MRPL47: variants seen among roughly 807,000 people sequenced by gnomAD.
MRPL47 encodes the protein large ribosomal subunit protein uL29m.
In MRPL47, 31 loss-of-function variants were observed where a neutral mutation model predicts 34.0. The ratio of observed to expected loss-of-function variants is 0.91; its 90% CI spans 0.68 to 1.23. The LOEUF is 1.23. Among genes scored for constraint, MRPL47 ranks in the 50% most tolerant of loss-of-function variants. The pLI is 0.00. For missense variants in MRPL47, 328 were observed against 285.8 expected (o/e 1.15, Z -1.07); for synonymous variants, 106 against 101.6 (o/e 1.04, Z -0.26).
Position 179,588,769 on chromosome 3 carries a change from CTT to C in MRPL47, c.*101_*102del. On this transcript the variant is annotated 3_prime_UTR_variant, in exon 7 of 7. Transcript: ENST00000476781. ...TTAGAACAACTGATTAGTAAAGTCA[CTT>C]GACTAAAAACAGAATTTCTTTATAA... is the stretch of plus-strand genomic sequence containing the variant. 3.5e-6 allele frequency: 4 copies of C among 1,156,286 alleles called. 1 individual carries two copies. In the South Asian group the frequency reaches 7.4e-5, roughly 21 times the overall value. 71.6% of individuals were successfully genotyped at this position (1,156,286 alleles called of 1,614,324 possible). A position where few individuals can be genotyped will look rare whatever the true frequency, so the allele number is the denominator to read the frequency against.
chr3:179,601,844 C>G, intron 2 of MRPL47, 54 bp from the exon 3 acceptor site: 1 of 1,338,636 alleles, frequency 7.5e-7, no homozygotes, highest in Non-Finnish European at 1.1e-6. Flanking sequence ...TGCCCTTTGG[C>G]AAATTATTTA....
intron 5 of MRPL47, 140 bp downstream of exon 5, chr3:179,593,625 T>G: frequency 3.0e-6 from 2 of 670,490 alleles, no homozygotes; most frequent in East Asian, 3.0e-5. Flanking sequence ...TCCAAAGGGG[T>G]GTGGGGCCTC....
intron 3 of MRPL47, among the ~76,000 whole-genome samples, chr3:179,600,100 G>A (rs543099202): frequency 1.6e-4 from 24 of 149,868 alleles, no homozygotes; most frequent in African/African-American, 7.4e-5. Context: ...CGGCCTGGGC[G>A]ACAAAGCGAG....
chr3:179,600,816 T>G (rs1285518586), intron 3 of MRPL47, among the ~76,000 whole-genome samples: 2 of 152,174 alleles, frequency 1.3e-5, no homozygotes, highest in Non-Finnish European at 1.5e-5. Context: ...CATGTAGGAA[T>G]GCAGGGCCGG....
At chr3:179,589,172 AG>A (rs1284107787) in intron 6 of MRPL47, among the ~76,000 whole-genome samples, 177 bp from the exon 7 acceptor site, 1 of 152,160 alleles carries the variant, frequency 6.6e-6, no homozygotes, top group Non-Finnish European at 1.5e-5. Context: ...ACACAAGTCA[AG>A]AGCATCTGAA....
In MRPL47 at chr3:179,588,938, C is replaced by G. The variant is rs1386759153; in HGVS notation, c.687G>C (p.Lys229Asn). 1 of 1,613,620 alleles carries G rather than the reference C, an allele frequency of 6.2e-7. No individual in the cohort carries two copies. Residue 229 changes from lysine (K) to asparagine (N), a missense_variant, in exon 7 of 7, where the codon AAG becomes AAC. By Grantham distance (94) the Lys-to-Asn change is moderately conservative. Transcript: ENST00000476781. ...ACTTTTTTAAAAGAATTTTTGCTTT[C>G]TTTCTCTCTAAATTTTCCTTCCGTG... ...IKARKENLER[K>N]KAKILLKKFP...
Position 179,588,807 on chromosome 3 carries a change from A to ATGT in MRPL47, c.*64_*65insACA, listed in dbSNP as rs1718589499. ...AGAATTTCTTTATAAACCACTTAAC[A>ATGT]TATTTACTCCTGTACACAGACTATT... On this transcript the variant is annotated 3_prime_UTR_variant, in exon 7 of 7. Coordinates refer to ENST00000476781, the MANE Select transcript of MRPL47 (RefSeq NM_020409.3). The ATGT allele has an allele frequency of 9.0e-6, 13 of 1,445,610 alleles. No homozygotes were observed. In the South Asian group the frequency reaches 1.8e-4, roughly 20 times the overall value. The allele number at this position is 1,445,610 out of a possible 1,614,324, so 89.5% of individuals were successfully genotyped here.
intron 4 of MRPL47, among the ~76,000 whole-genome samples, chr3:179,596,194 A>G (rs941727929): frequency 6.6e-6 from 1 of 152,236 alleles, no homozygotes; most frequent in Admixed American, 6.5e-5. Context: ...ATTATTCTCT[A>G]AGTAAAATTT....
chr3:179,592,591 A>C, intron 6 of MRPL47, 53 bp downstream of exon 6: 4 of 1,104,358 alleles, frequency 3.6e-6, no homozygotes, highest in Non-Finnish European at 4.1e-6. Flanking sequence ...ATATATGACC[A>C]TATGTCATCT....
chr3:179,600,765 CT>C (rs1412008585), intron 3 of MRPL47, among the ~76,000 whole-genome samples: 1 of 152,192 alleles, frequency 6.6e-6, no homozygotes, highest in African/African-American at 2.4e-5. Flanking sequence ...CCTGCTCCAT[CT>C]AGAAGGGGCA....
intron 4 of MRPL47, among the ~76,000 whole-genome samples, chr3:179,597,849 T>C (rs995867499): frequency 6.6e-6 from 1 of 152,110 alleles, no homozygotes; most frequent in Non-Finnish European, 1.5e-5. Context: ...CTCACAATAT[T>C]GTAAATATAC....
intron 6 of MRPL47, among the ~76,000 whole-genome samples, chr3:179,591,325 C>A (rs1329204985): frequency 1.3e-5 from 2 of 152,302 alleles, no homozygotes; most frequent in Non-Finnish European, 2.9e-5. Flanking sequence ...TTGGATAGCA[C>A]CCTTGGCCCA....
chr3:179,589,280 T>A (rs553629625), intron 6 of MRPL47, among the ~76,000 whole-genome samples: 1 of 152,288 alleles, frequency 6.6e-6, no homozygotes, highest in Non-Finnish European at 1.5e-5. Flanking sequence ...CTCATATGAC[T>A]AAGCATCATC....
intron 1 of MRPL47, among the ~76,000 whole-genome samples, chr3:179,603,973 C>T (rs1201173743): frequency 2.5e-5 from 3 of 120,258 alleles, no homozygotes; most frequent in Non-Finnish European, 5.1e-5. Context: ...ATGTCAACAA[C>T]ATTAAGAAAA....
At chr3:179,598,830 G>T in intron 3 of MRPL47, 59 bp from the exon 4 acceptor site, 1 of 1,207,922 alleles carries the variant, frequency 8.3e-7, no homozygotes, top group South Asian at 1.2e-5. Context: ...ATAAAGTTGT[G>T]ATTTCTGACA....
chr3:179,589,782 A>G (rs868507242), intron 6 of MRPL47, among the ~76,000 whole-genome samples: 1 of 152,180 alleles, frequency 6.6e-6, no homozygotes, highest in African/African-American at 2.4e-5. Context: ...ATGCACATAT[A>G]TAGGAAAAAA....
chr3:179,592,481 A>C (rs1718698132), intron 6 of MRPL47, among the ~76,000 whole-genome samples, 163 bp downstream of exon 6: 1 of 152,222 alleles, frequency 6.6e-6, no homozygotes, highest in Non-Finnish European at 1.5e-5. Context: ...GGTGTGAGCC[A>C]CCGCACCCAG....
rs965718467 is a variant in MRPL47 at position 179,598,711 on chromosome 3, C to G, written c.366G>C (p.Gln122His). The part of the protein sequence containing the change: ...LLTLEQEAKR[Q>H]RLPMPSPERL... ...GCTCTGGACTTGGCATTGGCAATCT[C>G]TGCCGCTTGGCCTCCTGCTCTAGGG... Residue 122 changes from glutamine (Q) to histidine (H), a missense_variant, in exon 4 of 7, where the codon CAG becomes CAC. Gln to His is a conservative substitution (Grantham distance 24, BLOSUM62 0). Transcript: ENST00000476781. 2 of 1,613,222 alleles carry G rather than the reference C, an allele frequency of 1.2e-6. No homozygotes were observed. Among genetic ancestry groups the G allele is most frequent in the African/African-American group, 2.7e-5 (2 of 74,926 alleles).
chr3:179,598,508 C>A (rs1009835036), intron 4 of MRPL47, among the ~76,000 whole-genome samples, 167 bp downstream of exon 4: 1 of 150,596 alleles, frequency 6.6e-6, no homozygotes, highest in African/African-American at 2.4e-5. Context: ...CTTTTAGGGG[C>A]GATGGAAATG....
Sources: allele counts gnomAD v4.1 joint callset (sites outside exome capture counted in the v4.1 genomes callset), GRCh38; gene constraint gnomAD v4.1.1; transcripts MANE v1.5; gene names NCBI Gene and HGNC (gene_info 2026-07-23, HGNC 2026-07-21).